The following GALNT13 variants were observed in gnomAD, a reference collection of about 807,000 sequenced individuals.
GALNT13 encodes polypeptide N-acetylgalactosaminyltransferase 13.
GALNT13 carries 28 observed loss-of-function variants against 64.2 expected under a neutral mutation model. The observed-to-expected ratio is 0.44, with a 90% confidence interval of 0.32 to 0.60. The LOEUF is 0.60. GALNT13 is among the 20% of genes least tolerant of loss of function. The pLI is 0.05. For missense variants in GALNT13, 577 were observed against 669.8 expected (o/e 0.86, Z 1.53); for synonymous variants, 214 against 224.6 (o/e 0.95, Z 0.42).
chr2:153,161,201 T>A, the GALNT13 span, among the ~76,000 whole-genome samples: 4 of 152,226 alleles, frequency 2.6e-5, no homozygotes, highest in African/African-American at 9.6e-5. Flanking sequence ...CCAAAGGCTG[T>A]GCCTCCTTGA....
At chr2:153,227,073 A>G in the GALNT13 span, among the ~76,000 whole-genome samples, 1 of 152,336 alleles carries the variant, frequency 6.6e-6, no homozygotes, top group East Asian at 1.9e-4. Context: ...GAAGTAGGAG[A>G]TCACATCATG....
the GALNT13 span, among the ~76,000 whole-genome samples, chr2:153,670,646 T>G: frequency 6.6e-6 from 1 of 152,176 alleles, no homozygotes; most frequent in South Asian, 2.1e-4. Flanking sequence ...CCTCTTCTCC[T>G]CCAAAGGAAC....
chr2:154,024,409 C>G (rs558237479), intron 3 of GALNT13, among the ~76,000 whole-genome samples: 165 of 152,094 alleles, frequency 1.1e-3, no homozygotes, highest in Non-Finnish European at 9.1e-4. Flanking sequence ...TCTTTTTTCT[C>G]TAAACTTCCC....
At chr2:153,726,098 A>G in the GALNT13 span, among the ~76,000 whole-genome samples, 1 of 152,182 alleles carries the variant, frequency 6.6e-6, no homozygotes, top group South Asian at 2.1e-4. Context: ...TTAACATTTT[A>G]ATGTATATTT....
intron 9 of GALNT13, among the ~76,000 whole-genome samples, chr2:154,391,675 A>G (rs1381308973): frequency 6.6e-6 from 1 of 152,212 alleles, no homozygotes; most frequent in Non-Finnish European, 1.5e-5. Context: ...CAATTATTAT[A>G]TTCCAGTCAT....
chr2:154,148,940 C>G (rs1476494549), intron 4 of GALNT13, among the ~76,000 whole-genome samples: 1 of 152,066 alleles, frequency 6.6e-6, no homozygotes, highest in Non-Finnish European at 1.5e-5. Flanking sequence ...AATTAGATAC[C>G]ATTTGTCAGT....
chr2:153,261,807 C>T, the GALNT13 span, among the ~76,000 whole-genome samples: 1 of 152,126 alleles, frequency 6.6e-6, no homozygotes, highest in East Asian at 1.9e-4. Context: ...CTCCCTTTTC[C>T]TCAAGCAGAG....
chr2:153,883,132 T>C (rs1686898250), intron 1 of GALNT13, among the ~76,000 whole-genome samples: 1 of 148,952 alleles, frequency 6.7e-6, no homozygotes, highest in Non-Finnish European at 1.5e-5. Flanking sequence ...ATTGCATTCA[T>C]AAAACAAGTG....
the GALNT13 span, among the ~76,000 whole-genome samples, chr2:153,432,047 A>AT: frequency 2.0e-5 from 3 of 152,102 alleles, no homozygotes; most frequent in Admixed American, 6.6e-5. Flanking sequence ...TAAATAATTA[A>AT]TTTTTTTGTT....
chr2:154,368,991 A>G (rs1697527997), intron 9 of GALNT13, among the ~76,000 whole-genome samples: 1 of 76,896 alleles, frequency 1.3e-5, no homozygotes, highest in Non-Finnish European at 2.8e-5. Context: ...CTTTAAGAAG[A>G]CACCGAGTTG....
chr2:153,909,706 C>T (rs76305325), intron 2 of GALNT13, among the ~76,000 whole-genome samples: 211 of 151,936 alleles, frequency 1.4e-3, no homozygotes, highest in African/African-American at 4.9e-3. Context: ...TGACTTTTAC[C>T]TCTGTTTTTG....
intron 3 of GALNT13, among the ~76,000 whole-genome samples, chr2:154,060,426 T>A (rs972815136): frequency 6.6e-6 from 1 of 152,042 alleles, no homozygotes; most frequent in African/African-American, 2.4e-5. Context: ...CGTGATCTCA[T>A]CTCGTTGCAA....
the GALNT13 span, among the ~76,000 whole-genome samples, chr2:153,096,914 T>A: frequency 6.6e-6 from 1 of 152,154 alleles, no homozygotes; most frequent in East Asian, 1.9e-4. Flanking sequence ...TGTTATTTGT[T>A]TTCTGTTGAT....
intron 3 of GALNT13, among the ~76,000 whole-genome samples, chr2:154,011,073 ATT>A (rs900144307): frequency 6.6e-6 from 1 of 150,940 alleles, no homozygotes; most frequent in South Asian, 2.1e-4. Flanking sequence ...GACCTTTTGT[ATT>A]TTTTTTCTCA....
chr2:154,119,052 T>A (rs1681775191), intron 3 of GALNT13, among the ~76,000 whole-genome samples: 1 of 152,146 alleles, frequency 6.6e-6, no homozygotes, highest in South Asian at 2.1e-4. Flanking sequence ...GGTTTTGTGC[T>A]TTTGTATGTT....
At chr2:154,225,592 G>A (rs1422850123) in intron 4 of GALNT13, among the ~76,000 whole-genome samples, 2 of 152,142 alleles carry the variant, frequency 1.3e-5, no homozygotes, top group African/African-American at 2.4e-5. Context: ...CGTAGGTACA[G>A]GAGAAAAACT....
intron 4 of GALNT13, among the ~76,000 whole-genome samples, chr2:154,227,529 G>A (rs1167919077): frequency 7.7e-6 from 1 of 129,492 alleles, no homozygotes; most frequent in Non-Finnish European, 1.5e-5. Flanking sequence ...CCCTTCCTGT[G>A]TCCATGTGTT....
chr2:154,408,827 A>G (rs1364158647), intron 10 of GALNT13, among the ~76,000 whole-genome samples, 157 bp from the exon 11 acceptor site: 1 of 152,074 alleles, frequency 6.6e-6, no homozygotes, highest in Admixed American at 6.6e-5. Context: ...GACACTGAAA[A>G]AGACAAATAT....
chr2:153,264,912 C>T, the GALNT13 span, among the ~76,000 whole-genome samples: 1 of 152,204 alleles, frequency 6.6e-6, no homozygotes, highest in Non-Finnish European at 1.5e-5. Flanking sequence ...TGTAACAAAC[C>T]TGCACATTCT....
Sources: gnomAD v4.1 joint callset for allele counts (sites outside exome capture counted in the v4.1 genomes callset) on GRCh38, gnomAD v4.1.1 for gene constraint, MANE v1.5 for transcripts, NCBI Gene and HGNC (gene_info 2026-07-23, HGNC 2026-07-21) for gene names.